LDLRAD4: variants seen among roughly 807,000 people sequenced by gnomAD.
The protein encoded by LDLRAD4 is low-density lipoprotein receptor class A domain-containing protein 4.
In LDLRAD4, 5 loss-of-function variants were observed where a neutral mutation model predicts 17.0. The observed-to-expected ratio is 0.29, with a 90% CI of 0.15 to 0.62. The LOEUF is 0.62. LDLRAD4 is among the 20% of genes least tolerant of loss of function. LDLRAD4 has a pLI of 0.84. For missense variants in LDLRAD4, 340 were observed against 424.7 expected (o/e 0.80, Z 1.75); for synonymous variants, 168 against 171.8 (o/e 0.98, Z 0.17).
At chr18:13,561,953 G>T (rs1202226113) in intron 3 of LDLRAD4, 1 of 152,120 alleles carries the variant, frequency 6.6e-6, no homozygotes, top group South Asian at 2.1e-4. Context: ...CAGTACAAAA[G>T]AAAAAGTACA....
intron 1 of LDLRAD4, among the ~76,000 whole-genome samples, chr18:13,356,826 A>G (rs1296935691): frequency 6.6e-6 from 1 of 152,146 alleles, no homozygotes; most frequent in Admixed American, 6.5e-5. Flanking sequence ...AATCTTCTCT[A>G]ATTAGAACAC....
chr18:13,428,484 G>A (rs1303789820), intron 2 of LDLRAD4, among the ~76,000 whole-genome samples: 5 of 152,304 alleles, frequency 3.3e-5, no homozygotes, highest in African/African-American at 1.2e-4. Context: ...TTCATTATGA[G>A]GACTTGGGTT....
At chr18:13,225,189 C>T (rs931405409) in intron 1 of LDLRAD4, among the ~76,000 whole-genome samples, 3 of 152,210 alleles carry the variant, frequency 2.0e-5, no homozygotes, top group Non-Finnish European at 4.4e-5. Context: ...TGCATATTGA[C>T]GTGTACGTCC....
At chr18:13,322,784 A>AT (rs34579599) in intron 1 of LDLRAD4, among the ~76,000 whole-genome samples, 1,725 of 130,416 alleles carry the variant, frequency 0.013, 22 homozygotes, top group Non-Finnish European at 0.013. Context: ...TACATGGCTA[A>AT]TTTTTTTTTT....
At chr18:13,541,734 G>A (rs887078118) in intron 3 of LDLRAD4, among the ~76,000 whole-genome samples, 1 of 152,208 alleles carries the variant, frequency 6.6e-6, no homozygotes, top group Non-Finnish European at 1.5e-5. Context: ...CCTGGTGTGA[G>A]GAGTTTAGCA....
At chr18:13,529,273 A>G (rs2094088537) in intron 3 of LDLRAD4, among the ~76,000 whole-genome samples, 1 of 152,232 alleles carries the variant, frequency 6.6e-6, no homozygotes, top group African/African-American at 2.4e-5. Context: ...AGAACTAGCT[A>G]CTTGGGAGAT....
chr18:13,418,845 C>T (rs1253499599), intron 2 of LDLRAD4, among the ~76,000 whole-genome samples: 1 of 152,202 alleles, frequency 6.6e-6, no homozygotes. Context: ...GGTTCCCACC[C>T]TTGGGAAGCT....
intron 1 of LDLRAD4, among the ~76,000 whole-genome samples, chr18:13,246,538 C>G (rs1007934868): frequency 2.0e-5 from 3 of 152,206 alleles, no homozygotes; most frequent in Non-Finnish European, 2.9e-5. Context: ...GTACACACAC[C>G]GAGGTCAGTG....
intron 2 of LDLRAD4, among the ~76,000 whole-genome samples, chr18:13,393,058 G>A (rs561500115): frequency 6.6e-6 from 1 of 152,228 alleles, no homozygotes; most frequent in East Asian, 1.9e-4. Flanking sequence ...GGGTGTGACT[G>A]GGCTGCTGTG....
At chr18:13,635,890 C>T (rs192693336) in intron 4 of LDLRAD4, among the ~76,000 whole-genome samples, 188 of 151,564 alleles carry the variant, frequency 1.2e-3, no homozygotes, top group African/African-American at 4.3e-3. Flanking sequence ...TCTAGACTAA[C>T]GTTAGAGTTC....
chr18:13,349,784 A>AC (rs746925520), intron 1 of LDLRAD4, among the ~76,000 whole-genome samples: 5 of 149,718 alleles, frequency 3.3e-5, no homozygotes, highest in Middle Eastern at 3.4e-3. Context: ...CCTTCGTCTC[A>AC]CCCCCCACCC....
At chr18:13,644,673 T>TCTAGAGAGTTCTA (rs2149005869) in intron 5 of LDLRAD4, 1 of 154,986 alleles carries the variant, frequency 6.5e-6, no homozygotes, top group African/African-American at 2.4e-5. Flanking sequence ...GGCAGGGACC[T>TCTAGAGAGTTCTA]GAGAAAGCAG....
At chr18:13,412,779 G>A (rs968311708) in intron 2 of LDLRAD4, among the ~76,000 whole-genome samples, 1 of 152,198 alleles carries the variant, frequency 6.6e-6, no homozygotes, top group East Asian at 1.9e-4. Context: ...ATAGCACCCG[G>A]CAGCCAGTAG....
chr18:13,297,049 G>A (rs994617940), intron 1 of LDLRAD4, among the ~76,000 whole-genome samples: 10 of 152,230 alleles, frequency 6.6e-5, no homozygotes, highest in Non-Finnish European at 1.5e-5. Flanking sequence ...GCGGGAGATG[G>A]TGTTCATGAG....
intron 3 of LDLRAD4, among the ~76,000 whole-genome samples, chr18:13,499,832 C>T (rs189366409): frequency 1.1e-3 from 166 of 152,362 alleles, no homozygotes; most frequent in African/African-American, 3.8e-3. Context: ...TGCCCACACA[C>T]GTCCTGCTGT....
At chr18:13,593,586 C>T (rs1363801308) in intron 3 of LDLRAD4, among the ~76,000 whole-genome samples, 1 of 151,230 alleles carries the variant, frequency 6.6e-6, no homozygotes, top group Admixed American at 6.6e-5. Context: ...TCCGTCCGTC[C>T]ATCCATCCAT....
At chr18:13,230,361 A>AT (rs1046926632) in intron 1 of LDLRAD4, among the ~76,000 whole-genome samples, 21 of 151,806 alleles carry the variant, frequency 1.4e-4, no homozygotes, top group African/African-American at 2.9e-4. Context: ...AAAAGAACAG[A>AT]TTTTTTTTTA....
At chr18:13,219,615 G>A (rs2041339079) in intron 1 of LDLRAD4, among the ~76,000 whole-genome samples, 1 of 152,218 alleles carries the variant, frequency 6.6e-6, no homozygotes, top group Non-Finnish European at 1.5e-5. Flanking sequence ...GTTATTTGCA[G>A]TAGAGGTGGA....
intron 3 of LDLRAD4, among the ~76,000 whole-genome samples, chr18:13,454,415 C>T (rs2092010854): frequency 6.6e-6 from 1 of 152,182 alleles, no homozygotes; most frequent in African/African-American, 2.4e-5. Context: ...GAGTGTCTGG[C>T]TTGCAGTGCT....
Sources: gnomAD v4.1 joint callset for allele counts (sites outside exome capture counted in the v4.1 genomes callset) on GRCh38, gnomAD v4.1.1 for gene constraint, MANE v1.5 for transcripts, NCBI Gene and HGNC (gene_info 2026-07-23, HGNC 2026-07-21) for gene names.